Variants in TRERF1 observed in about 807,000 individuals in gnomAD.
TRERF1 encodes transcriptional-regulating factor 1.
Under a neutral mutation model 122.9 loss-of-function variants are expected in TRERF1, and 27 were observed. That is an observed-to-expected ratio of 0.22 (90% CI 0.16 to 0.30). The LOEUF is 0.30. TRERF1 is among the 10% of genes least tolerant of loss of function. The probability of loss-of-function intolerance (pLI) is 1.00; values close to 1 mark genes in which losing one functional copy is unlikely to be tolerated. For synonymous variants in TRERF1, 636 were observed against 641.7 expected, an observed-to-expected ratio of 0.99 and a Z score of 0.13; for missense variants, 1,248 against 1,560.3, an observed-to-expected ratio of 0.80 and a Z score of 3.37.
intron 2 of TRERF1, among the ~76,000 whole-genome samples, chr6:42,386,108 C>T (rs758819069): frequency 3.9e-5 from 6 of 152,188 alleles, no homozygotes; most frequent in Non-Finnish European, 8.8e-5. Flanking sequence ...ATAATCCCTG[C>T]ACTTTGGGAG....
chr6:42,348,787 T>C (rs536504395), intron 3 of TRERF1, among the ~76,000 whole-genome samples: 57 of 152,178 alleles, frequency 3.7e-4, no homozygotes, highest in African/African-American at 9.9e-4. Flanking sequence ...TTAACAACCA[T>C]TGACTGACTA....
intron 3 of TRERF1, among the ~76,000 whole-genome samples, chr6:42,323,027 C>T (rs2150479558): frequency 1.3e-5 from 2 of 151,798 alleles, no homozygotes; most frequent in East Asian, 3.9e-4. Context: ...TATTCTCACA[C>T]TCTCCATTAT....
intron 2 of TRERF1, among the ~76,000 whole-genome samples, chr6:42,434,668 C>CCACCCA (rs1554218674): frequency 8.7e-6 from 1 of 114,896 alleles, no homozygotes; most frequent in African/African-American, 2.9e-5. Flanking sequence ...ACACCCTCCA[C>CCACCCA]CACACACACA....
chr6:42,434,392 AC>A (rs986699958), intron 2 of TRERF1, among the ~76,000 whole-genome samples: 1 of 151,954 alleles, frequency 6.6e-6, no homozygotes, highest in Non-Finnish European at 1.5e-5. Flanking sequence ...AAAAAAAAAA[AC>A]AAAGCCAAAG....
rs140339408 is a variant in TRERF1, at chr6:42,439,553, C to T, written c.-454+11624G>A. Among the ~76,000 whole-genome samples the T allele has an allele frequency of 1.8e-4, 28 of 152,254 alleles. No individual in the cohort carries two copies. The East Asian group carries it at 5.0e-3, about 27-fold the overall frequency. On this transcript the variant is annotated intron_variant, in intron 2 of 17. Coordinates refer to ENST00000372922, the Ensembl canonical transcript of TRERF1. Reference sequence around the variant, plus strand: ...GAGCTGAGATCGCACTGCTGCACTCCAGCCTGGGCGACAGAGCAAGACTCT... The same window carrying T: ...GAGCTGAGATCGCACTGCTGCACTCTAGCCTGGGCGACAGAGCAAGACTCT...
chr6:42,272,397 G>A (rs1422458164), intron 4 of TRERF1, among the ~76,000 whole-genome samples: 1 of 152,212 alleles, frequency 6.6e-6, no homozygotes, highest in Non-Finnish European at 1.5e-5. Flanking sequence ...AGCAGTGAAA[G>A]GATGCTGGGC....
chr6:42,378,915 A>G (rs7766264), intron 2 of TRERF1, among the ~76,000 whole-genome samples: 16,986 of 152,048 alleles, frequency 0.11, 1,436 homozygotes, highest in African/African-American at 0.23. Context: ...CAGGAGTTCA[A>G]GACTAGCCTG....
rs756832782 is a variant in TRERF1, at chr6:42,227,852, A to G, written c.*493T>C. 2.0e-5 allele frequency: 3 copies of G among 152,540 alleles called. No homozygotes were observed. The South Asian group carries it at 6.2e-4, about 32-fold the overall frequency. The allele number at this position is 152,540 out of a possible 1,614,324, so 9.4% of individuals were successfully genotyped here. A position where few individuals can be genotyped will look rare whatever the true frequency, so the allele number is the denominator to read the frequency against. ...TTGCCCCTGGAAAGCTGCCCCTAGCATAGTATCTCCAGGCAAAGATGCCAT... is the reference window on the plus strand; with the variant it reads ...TTGCCCCTGGAAAGCTGCCCCTAGCGTAGTATCTCCAGGCAAAGATGCCAT... On this transcript the variant is annotated 3_prime_UTR_variant, in exon 18 of 18. Coordinates refer to ENST00000372922, the Ensembl canonical transcript of TRERF1.
At chr6:42,387,105 T>G (rs925923877) in intron 2 of TRERF1, among the ~76,000 whole-genome samples, 30 of 152,216 alleles carry the variant, frequency 2.0e-4, no homozygotes, top group African/African-American at 7.2e-4. Flanking sequence ...TTATTTATTT[T>G]GGGGGATTTA....
intron 2 of TRERF1, among the ~76,000 whole-genome samples, chr6:42,408,285 ATGTG>A (rs534280195): frequency 1.5e-5 from 2 of 136,332 alleles, no homozygotes; most frequent in African/African-American, 2.8e-5. Flanking sequence ...ATACATACAC[ATGTG>A]TGTGTATGTA....
At chr6:42,426,232 A>G (rs1012382874) in intron 2 of TRERF1, among the ~76,000 whole-genome samples, 1 of 152,230 alleles carries the variant, frequency 6.6e-6, no homozygotes, top group Non-Finnish European at 1.5e-5. Flanking sequence ...CACCGGGCAC[A>G]TGACATATCT....
In TRERF1 at chr6:42,232,705, A is replaced by T; in HGVS notation, c.3254T>A (p.Ile1085Asn). The change falls in exon 17 of 18, where the codon ATC (isoleucine) becomes AAC (asparagine). Residue 1085 changes from isoleucine (I) to asparagine (N), a missense_variant. Around this residue, in one of 5 missense-constraint regions of TRERF1, gnomAD observed 159 missense variants for 221.7 expected, o/e 0.72. Transcript: ENST00000372922. This position sits in a 1 kb window ranked among gnomAD's most constrained non-coding sequence, Gnocchi z 4.5. Reference sequence around the variant, plus strand: ...CTTGCCACACTCCTTGCAGGGGAAGATGGTGGTGGGGTCTGTCTCGCCGCT... The same window carrying T: ...CTTGCCACACTCCTTGCAGGGGAAGTTGGTGGTGGGGTCTGTCTCGCCGCT... The T allele has an allele frequency of 6.2e-7, 1 of 1,602,692 alleles. No homozygotes were observed. Among genetic ancestry groups the T allele is most frequent in the South Asian group, 1.1e-5 (1 of 90,656 alleles).
At chr6:42,342,513 C>T (rs1767486789) in intron 3 of TRERF1, among the ~76,000 whole-genome samples, 1 of 152,132 alleles carries the variant, frequency 6.6e-6, no homozygotes, top group African/African-American at 2.4e-5. Context: ...GAACAGGAGG[C>T]CTGGGAAATT....
At chr6:42,261,097 T>G (rs769976166) in intron 8 of TRERF1, among the ~76,000 whole-genome samples, 1 of 152,032 alleles carries the variant, frequency 6.6e-6, no homozygotes, top group Non-Finnish European at 1.5e-5. Context: ...ACCGCCTCTT[T>G]TCTCCACCAG....
intron 3 of TRERF1, among the ~76,000 whole-genome samples, chr6:42,327,413 A>G (rs1005208634): frequency 5.9e-5 from 9 of 152,166 alleles, no homozygotes; most frequent in South Asian, 2.1e-4. Context: ...CATTGACCCA[A>G]TCTGGTCTTG....
intron 3 of TRERF1, among the ~76,000 whole-genome samples, chr6:42,313,555 A>G (rs1762016824): frequency 1.3e-5 from 2 of 151,952 alleles, no homozygotes; most frequent in South Asian, 4.2e-4. Flanking sequence ...CTTCCCAGTA[A>G]CGCTTACCGG....
At chr6:42,303,160 T>C (rs1364320959) in intron 3 of TRERF1, among the ~76,000 whole-genome samples, 1 of 152,208 alleles carries the variant, frequency 6.6e-6, no homozygotes, top group African/African-American at 2.4e-5. Flanking sequence ...TGGTGCCTAG[T>C]ATGTACTAGG....
At chr6:42,422,800 C>A (rs1246041987) in intron 2 of TRERF1, among the ~76,000 whole-genome samples, 6 of 151,798 alleles carry the variant, frequency 4.0e-5, no homozygotes, top group African/African-American at 1.5e-4. Context: ...CCCATGGCCT[C>A]TCCACAGCCC....
At chr6:42,337,468 C>A (rs1766415395) in intron 3 of TRERF1, among the ~76,000 whole-genome samples, 1 of 152,156 alleles carries the variant, frequency 6.6e-6, no homozygotes, top group Non-Finnish European at 1.5e-5. Context: ...TATTGAGTCC[C>A]CGCCTGCAGA....
Sources: gnomAD v4.1 joint callset for allele counts (sites outside exome capture counted in the v4.1 genomes callset) on GRCh38, gnomAD v4.1.1 for gene constraint, gnomAD v4.1.1 regional missense constraint, Gnocchi (gnomAD v3.1) non-coding constraint, MANE v1.5 for transcripts, NCBI Gene and HGNC (gene_info 2026-07-23, HGNC 2026-07-21) for gene names.